ATL1: variants seen among roughly 807,000 people sequenced by gnomAD.
The protein encoded by ATL1 is atlastin GTPase 1.
A neutral mutation model predicts 75.5 loss-of-function variants in ATL1; 31 were observed. The ratio of observed to expected loss-of-function variants is 0.41; its 90% CI spans 0.31 to 0.55. The LOEUF is 0.55. ATL1 is among the 20% of genes least tolerant of loss of function. The pLI, the probability that ATL1 is intolerant of heterozygous loss-of-function variation, is 0.27. For missense variants in ATL1, 405 were observed against 662.6 expected, an observed-to-expected ratio of 0.61 and a Z score of 4.27; for synonymous variants, 226 against 233.3, an observed-to-expected ratio of 0.97 and a Z score of 0.28.
chr14:50,560,555 C>G lies in ATL1; in HGVS notation c.34+256C>G, dbSNP rs537922816. 5.2e-4 allele frequency: 275 copies of G among 533,844 alleles called. 2 individuals are homozygous for G. The highest frequency in any genetic ancestry group is 3.3e-3 in the African/African-American group (174 of 52,328). The allele number at this position is 533,844 out of a possible 1,614,324, so 33.1% of individuals were successfully genotyped here. A position where few individuals can be genotyped will look rare whatever the true frequency, so the allele number is the denominator to read the frequency against. ...CCTCCAGCTCCTTCTTCCCCACCCC[C>G]CTCCCGCCTCCTCCCAGCATTTGGA... On this transcript the variant is annotated intron_variant, in intron 1 of 13. Coordinates refer to ENST00000358385, the MANE Select transcript of ATL1 (RefSeq NM_015915.5).
At chr14:50,568,407 T>TA (rs933452067) in intron 1 of ATL1, among the ~76,000 whole-genome samples, 88 of 147,692 alleles carry the variant, frequency 6.0e-4, no homozygotes, top group East Asian at 1.4e-3. Context: ...ATATTGTCTC[T>TA]AAAAAAAAAA....
intron 5 of ATL1, 52 bp downstream of exon 5, chr14:50,593,948 A>G (rs1456863664): frequency 7.7e-6 from 10 of 1,298,520 alleles, no homozygotes; most frequent in Non-Finnish European, 1.1e-5. Context: ...TGAAACATGT[A>G]TAGCAGAACT....
intron 7 of ATL1, 62 bp from the exon 8 acceptor site, chr14:50,614,311 A>G: frequency 6.4e-7 from 1 of 1,573,284 alleles, no homozygotes; most frequent in Admixed American, 1.7e-5. Context: ...ATAAGATGCC[A>G]CAGAATTCCT....
intron 6 of ATL1, among the ~76,000 whole-genome samples, chr14:50,604,880 A>G (rs934906336): frequency 1.3e-5 from 2 of 152,032 alleles, no homozygotes; most frequent in African/African-American, 4.8e-5. Context: ...ATTGTACTGT[A>G]TATGGTACCA....
At chr14:50,533,516 T>C (rs969152758) in intron 1 of ATL1, 6 of 152,168 alleles carry the variant, frequency 3.9e-5, no homozygotes, top group Non-Finnish European at 5.9e-5. Flanking sequence ...TTGGCTGATA[T>C]TTCACAAGCT....
chr14:50,534,810 GGTTGA>G (rs2038472435), intron 1 of ATL1, among the ~76,000 whole-genome samples: 1 of 152,168 alleles, frequency 6.6e-6, no homozygotes, highest in Non-Finnish European at 1.5e-5. Context: ...TTAAAATACT[GGTTGA>G]GTTAATTTTA....
chr14:50,611,309 C>T (rs191189890), intron 6 of ATL1, among the ~76,000 whole-genome samples: 1 of 151,898 alleles, frequency 6.6e-6, no homozygotes, highest in East Asian at 1.9e-4. Flanking sequence ...AGTCCACCAA[C>T]TTCTAGTGTT....
rs191102994 is a variant in ATL1 at position 50,577,208 on chromosome 14, G to A, written c.35-10623G>A. On this transcript the variant is annotated intron_variant, in intron 1 of 13. Transcript: ENST00000358385. ...CTGCCGAGTGGCTGGGACTACAAGC[G>A]TGTGCCACCATGCCCAGCTAATTTT... Among the ~76,000 whole-genome samples, 864 of 151,768 alleles carry A rather than the reference G, an allele frequency of 5.7e-3. 8 individuals are homozygous for A. The highest frequency in any genetic ancestry group is 0.017 in the African/African-American group (700 of 41,388).
intron 1 of ATL1, among the ~76,000 whole-genome samples, chr14:50,585,294 G>A (rs2039091325): frequency 6.6e-6 from 1 of 152,188 alleles, no homozygotes; most frequent in Admixed American, 6.5e-5. Context: ...GCATTCTCCA[G>A]TACCTTTTGC....
Position 50,622,622 on chromosome 14 carries a change from C to T in ATL1, c.1048-555C>T, listed in dbSNP as rs529408458. Among the ~76,000 whole-genome samples, 33 of 150,214 alleles carry T rather than the reference C, an allele frequency of 2.2e-4. No individual in the cohort carries two copies. The East Asian group carries it at 3.8e-3, about 17-fold the overall frequency. On this transcript the variant is annotated intron_variant, in intron 10 of 13. Coordinates refer to ENST00000358385, the MANE Select transcript of ATL1 (RefSeq NM_015915.5). ...TGGAGGTTGCAGTGAGCCGAGATCG[C>T]GCCACTGCACTCCAGCCTGGGCAAC... is the stretch of plus-strand genomic sequence containing the variant.
At chr14:50,549,470 T>C (rs2038675208) in intron 1 of ATL1, among the ~76,000 whole-genome samples, 1 of 152,158 alleles carries the variant, frequency 6.6e-6, no homozygotes, top group Non-Finnish European at 1.5e-5. Context: ...GACAAGTCAA[T>C]TGTATTGGTC....
intron 9 of ATL1, 84 bp downstream of exon 9, chr14:50,620,810 C>T (rs557856014): frequency 7.4e-5 from 109 of 1,474,270 alleles, no homozygotes; most frequent in African/African-American, 3.9e-4. Flanking sequence ...ATTATAGACC[C>T]GATAATATGG....
upstream of ATL1, chr14:50,558,950 T>C (rs558495084): frequency 3.5e-4 from 53 of 152,360 alleles, no homozygotes; most frequent in African/African-American, 1.2e-3. Flanking sequence ...TGAAATATAA[T>C]GCATAAGATT....
intron 1 of ATL1, among the ~76,000 whole-genome samples, chr14:50,535,598 AGG>A (rs10587449): frequency 0.84 from 127,583 of 152,110 alleles, 55,511 homozygotes; most frequent in Non-Finnish European, 0.94. Context: ...TTTACTAATT[AGG>A]GCCACTTGTC....
At chr14:50,594,659 C>A (rs1290187952) in intron 5 of ATL1, among the ~76,000 whole-genome samples, 2 of 152,182 alleles carry the variant, frequency 1.3e-5, no homozygotes, top group African/African-American at 4.8e-5. Context: ...GTTTATTATG[C>A]TCTGGGCACA....
At chr14:50,626,518 T>C (rs769035275) in intron 11 of ATL1, among the ~76,000 whole-genome samples, 2 of 151,926 alleles carry the variant, frequency 1.3e-5, no homozygotes, top group Non-Finnish European at 2.9e-5. Flanking sequence ...GGATAAGGAG[T>C]TGCTTCCTAT....
upstream of ATL1, among the ~76,000 whole-genome samples, chr14:50,556,353 C>T (rs1424743574): frequency 6.6e-6 from 1 of 151,830 alleles, no homozygotes; most frequent in Admixed American, 6.6e-5. Context: ...GTAGCTGGGA[C>T]TGCAGGTGCA....
At chr14:50,556,919 A>G (rs1009318473), upstream of ATL1, among the ~76,000 whole-genome samples, 1 of 152,086 alleles carries the variant, frequency 6.6e-6, no homozygotes, top group South Asian at 2.1e-4. Context: ...GATTGTTTCC[A>G]CCTTTTGGCT....
chr14:50,579,209 A>T (rs1384303730), intron 1 of ATL1, among the ~76,000 whole-genome samples: 1 of 152,162 alleles, frequency 6.6e-6, no homozygotes, highest in Non-Finnish European at 1.5e-5. Context: ...TTTTCCCCAC[A>T]CATGAATATT....
Sources: gnomAD v4.1 joint callset for allele counts (sites outside exome capture counted in the v4.1 genomes callset) on GRCh38, gnomAD v4.1.1 for gene constraint, MANE v1.5 for transcripts, NCBI Gene and HGNC (gene_info 2026-07-23, HGNC 2026-07-21) for gene names.